CSMD1: variants seen among roughly 807,000 people sequenced by gnomAD.
CSMD1 encodes the protein CUB and Sushi multiple domains 1, also known as CUB and sushi domain-containing protein 1.
In CSMD1, 213 loss-of-function variants were observed where a neutral mutation model predicts 417.5. The ratio of observed to expected loss-of-function variants is 0.51; its 90% confidence interval spans 0.46 to 0.57. The LOEUF (loss-of-function observed/expected upper bound fraction) is 0.57. Ranked by LOEUF, CSMD1 falls within the 20% of genes least tolerant of loss-of-function variation. The probability of loss-of-function intolerance (pLI) is 0.00; values close to 1 mark genes in which losing one functional copy is unlikely to be tolerated. For missense variants in CSMD1, 6,923 were observed against 4,529.7 expected (o/e 1.53, Z -15.17); for synonymous variants, 2,862 against 1,736.8 (o/e 1.65, Z -16.11).
At chr8:3,710,396 G>A (rs774001841) in intron 6 of CSMD1, among the ~76,000 whole-genome samples, 8 of 152,172 alleles carry the variant, frequency 5.3e-5, no homozygotes, top group Non-Finnish European at 7.3e-5. Flanking sequence ...CCAAGACTGT[G>A]TAAGGCTGGA....
chr8:3,077,555 T>A (rs1813772739), intron 49 of CSMD1, among the ~76,000 whole-genome samples: 1 of 152,234 alleles, frequency 6.6e-6, no homozygotes, highest in African/African-American at 2.4e-5. Context: ...CTCCAGAACG[T>A]AGTAGTCACT....
At chr8:3,977,709 G>A (rs1385164441) in intron 5 of CSMD1, among the ~76,000 whole-genome samples, 6 of 152,154 alleles carry the variant, frequency 3.9e-5, no homozygotes, top group Non-Finnish European at 8.8e-5. Context: ...TTCTGTCATA[G>A]ATGCCTGGAA....
chr8:3,845,458 C>G (rs1308640641), intron 5 of CSMD1, among the ~76,000 whole-genome samples: 2 of 152,106 alleles, frequency 1.3e-5, no homozygotes, highest in Non-Finnish European at 2.9e-5. Flanking sequence ...AGAAAAGGTA[C>G]AGCTGAAAAA....
At chr8:4,628,711 T>C (rs1802313734) in intron 2 of CSMD1, among the ~76,000 whole-genome samples, 1 of 151,706 alleles carries the variant, frequency 6.6e-6, no homozygotes. Context: ...AAAATTACAC[T>C]GACTCATGGG....
chr8:3,683,011 A>G (rs1799747048), intron 7 of CSMD1, among the ~76,000 whole-genome samples: 1 of 152,074 alleles, frequency 6.6e-6, no homozygotes, highest in Non-Finnish European at 1.5e-5. Flanking sequence ...ACACATGGAC[A>G]CAGGAAGGGG....
intron 5 of CSMD1, among the ~76,000 whole-genome samples, chr8:3,882,264 G>A (rs1040075631): frequency 6.6e-6 from 1 of 152,012 alleles, no homozygotes; most frequent in African/African-American, 2.4e-5. Context: ...ATTAGAAAAA[G>A]ACACCAAATC....
At position 4,344,357 on chromosome 8, in the gene CSMD1, T is replaced by A. The variant is rs548652244; in HGVS notation, c.415+75596A>T. Among the ~76,000 whole-genome samples the A allele has an allele frequency of 3.9e-5, 6 of 152,184 alleles. No homozygotes were observed. The South Asian group carries it at 1.2e-3, about 32-fold the overall frequency. ...TTTACATCTTTCAGGTTTGGTACATTATTTTTCATACTCCCATACGCTCAA... is the reference window on the plus strand; with the variant it reads ...TTTACATCTTTCAGGTTTGGTACATAATTTTTCATACTCCCATACGCTCAA... On this transcript the variant is annotated intron_variant, in intron 3 of 69. Transcript: ENST00000635120.
intron 2 of CSMD1, among the ~76,000 whole-genome samples, chr8:4,447,871 TC>T: frequency 6.6e-6 from 1 of 152,328 alleles, no homozygotes; most frequent in Non-Finnish European, 1.5e-5. Context: ...TAGAGGAGGC[TC>T]GACGAATGTA....
intron 7 of CSMD1, among the ~76,000 whole-genome samples, chr8:3,675,957 G>A (rs1240111235): frequency 6.6e-6 from 1 of 152,108 alleles, no homozygotes; most frequent in African/African-American, 2.4e-5. Context: ...TATTTTCTCA[G>A]CCCAGGCCTG....
intron 4 of CSMD1, among the ~76,000 whole-genome samples, chr8:4,024,444 G>A (rs940002050): frequency 1.3e-5 from 2 of 152,174 alleles, no homozygotes; most frequent in Admixed American, 6.5e-5. Context: ...ATGTTCATAT[G>A]TTACTGATCT....
At chr8:3,957,695 A>G (rs1172608868) in intron 5 of CSMD1, among the ~76,000 whole-genome samples, 1 of 145,836 alleles carries the variant, frequency 6.9e-6, no homozygotes, top group Non-Finnish European at 1.5e-5. Context: ...CGGAAAAAAA[A>G]GAAGAGAAGA....
At chr8:2,968,424 C>A (rs1027790897) in intron 57 of CSMD1, among the ~76,000 whole-genome samples, 1 of 152,166 alleles carries the variant, frequency 6.6e-6, no homozygotes, top group Admixed American at 6.5e-5. Flanking sequence ...TTAAACAAGT[C>A]AAATAACCGA....
chr8:3,488,199 CACA>C (rs1563085520), intron 11 of CSMD1, among the ~76,000 whole-genome samples: 9 of 151,880 alleles, frequency 5.9e-5, no homozygotes. Context: ...ATCTCCTGGG[CACA>C]ATCGACCCTT....
chr8:2,940,977 C>A (rs886079369), intron 69 of CSMD1, among the ~76,000 whole-genome samples: 1 of 152,150 alleles, frequency 6.6e-6, no homozygotes, highest in African/African-American at 2.4e-5. Flanking sequence ...AGAAGAGAAG[C>A]TCATCTGATC....
chr8:4,219,919 G>A (rs1019550993), intron 3 of CSMD1, among the ~76,000 whole-genome samples: 2 of 152,138 alleles, frequency 1.3e-5, no homozygotes, highest in East Asian at 1.9e-4. Flanking sequence ...ATATGATGGA[G>A]AGAATCACTC....
At chr8:3,102,262 G>A (rs1465698163) in intron 46 of CSMD1, among the ~76,000 whole-genome samples, 1 of 152,128 alleles carries the variant, frequency 6.6e-6, no homozygotes, top group Non-Finnish European at 1.5e-5. Flanking sequence ...CAGTGATTAA[G>A]GATTTGGTAA....
At chr8:3,669,091 G>A (rs1232500015) in intron 7 of CSMD1, among the ~76,000 whole-genome samples, 1 of 152,136 alleles carries the variant, frequency 6.6e-6, no homozygotes, top group Non-Finnish European at 1.5e-5. Flanking sequence ...TATGATTGTG[G>A]AAGCCATTAA....
chr8:4,358,011 G>A (rs975368368), intron 3 of CSMD1, among the ~76,000 whole-genome samples: 1 of 151,996 alleles, frequency 6.6e-6, no homozygotes, highest in African/African-American at 2.4e-5. Flanking sequence ...CCCTTCCCAT[G>A]GAACTTCTGT....
At chr8:4,839,887 T>G (rs1041668618) in intron 1 of CSMD1, among the ~76,000 whole-genome samples, 1 of 152,234 alleles carries the variant, frequency 6.6e-6, no homozygotes, top group Non-Finnish European at 1.5e-5. Context: ...CTAGCTATTC[T>G]GAGGAACAAC....
Sources: allele counts gnomAD v4.1 joint callset (sites outside exome capture counted in the v4.1 genomes callset), GRCh38; gene constraint gnomAD v4.1.1; transcripts MANE v1.5; gene names NCBI Gene and HGNC (gene_info 2026-07-23, HGNC 2026-07-21).